Variants in RANBP1 observed in about 807,000 individuals in gnomAD.
RANBP1 encodes ran-specific GTPase-activating protein.
Under a neutral mutation model 31.4 loss-of-function variants are expected in RANBP1, and 16 were observed. That is an observed-to-expected ratio of 0.51 (90% CI 0.34 to 0.77). The LOEUF (loss-of-function observed/expected upper bound fraction) is 0.77. Among genes scored for constraint, RANBP1 ranks in the 30% least tolerant of loss-of-function variants. The pLI, the probability that RANBP1 is intolerant of heterozygous loss-of-function variation, is 0.01. For synonymous variants in RANBP1, 129 were observed against 140.5 expected, an observed-to-expected ratio of 0.92 and a Z score of 0.58; for missense variants, 265 against 362.0, an observed-to-expected ratio of 0.73 and a Z score of 2.17.
chr22:20,125,449 C>T lies in RANBP1; in HGVS notation c.670+13C>T, dbSNP rs1378213873. The T allele has an allele frequency of 4.3e-5, 69 of 1,594,564 alleles. No homozygotes were observed. Among genetic ancestry groups the T allele is most frequent in the Non-Finnish European group, 5.7e-5 (67 of 1,170,642 alleles). Reference sequence around the variant, plus strand: ...CTGAATGCTGAGAGTGAGCCAAGGGCCCTGGGGACCTGCCTGACTTGGGGC... The same window carrying T: ...CTGAATGCTGAGAGTGAGCCAAGGGTCCTGGGGACCTGCCTGACTTGGGGC... On this transcript the variant is annotated intron_variant, in intron 4 of 5. Coordinates refer to ENST00000430524, the MANE Select transcript of RANBP1 (RefSeq NM_001278639.2).
At chr22:20,120,003 C>T (rs898876555) in intron 2 of RANBP1, among the ~76,000 whole-genome samples, 3 of 152,120 alleles carry the variant, frequency 2.0e-5, no homozygotes, top group African/African-American at 4.8e-5. Context: ...TGTGGCCTGT[C>T]GCCTACACTC....
chr22:20,117,935 C>T, intron 1 of RANBP1: 2 of 1,010,908 alleles, frequency 2.0e-6, no homozygotes, highest in South Asian at 4.6e-5. Context: ...GCGGCCGTCG[C>T]CACGCGGGAC....
chr22:20,118,581 T>C (rs2871050), intron 1 of RANBP1, among the ~76,000 whole-genome samples: 11,629 of 152,340 alleles, frequency 0.076, 558 homozygotes, highest in African/African-American at 0.13. Context: ...TTTAAAGTAA[T>C]ATTTCAAAAT....
At chr22:20,116,754 C>T in intron 1 of RANBP1, 1 of 1,414,472 alleles carries the variant, frequency 7.1e-7, no homozygotes, top group South Asian at 1.3e-5. Flanking sequence ...CCTCCCGACC[C>T]CATTCCCGTC....
Position 20,116,189 on chromosome 22 carries a change from GGTC to G in RANBP1, c.7_9del (p.Ser3del). ...TCCTGTCGCCTCCTCCTGGCCATGG[GGTC>G]GGCCTTGGGCCGGGCCAGGCGCACA... On this transcript the variant is annotated inframe_deletion, in exon 1 of 6. Transcript: ENST00000430524. The G allele has an allele frequency of 6.2e-7, 1 of 1,613,046 alleles. No homozygotes were observed. The highest frequency in any genetic ancestry group is 1.6e-4 in the Middle Eastern group (1 of 6,062).
At chr22:20,126,576 A>T (rs754744323) in intron 5 of RANBP1, 15 of 1,546,822 alleles carry the variant, frequency 9.7e-6, no homozygotes, top group African/African-American at 1.4e-5. Context: ...CCTCAGTCCA[A>T]TTGGGCAGGC....
chr22:20,117,432 G>T, intron 1 of RANBP1: 1 of 1,193,118 alleles, frequency 8.4e-7, no homozygotes, highest in Non-Finnish European at 1.0e-6. Flanking sequence ...GAGAGTGTCC[G>T]CCTCCTGAGC....
chr22:20,119,187 G>A (rs1455305983), intron 2 of RANBP1, 38 bp downstream of exon 2: 3 of 1,595,076 alleles, frequency 1.9e-6, no homozygotes, highest in Admixed American at 3.4e-5. Context: ...GACTCTTTAA[G>A]GTTGAGGTTA....
rs1439572952 is a variant in RANBP1 at position 20,117,635 on chromosome 22, C to T, written c.246+1205C>T. On this transcript the variant is annotated intron_variant, in intron 1 of 5. Coordinates refer to ENST00000430524, the MANE Select transcript of RANBP1 (RefSeq NM_001278639.2). ...ACGACCGACCCAGCCGAGCCGCCGCCGCCGCCGCGCCCCCATGGCGGCCGC... is the reference window on the plus strand; with the variant it reads ...ACGACCGACCCAGCCGAGCCGCCGCTGCCGCCGCGCCCCCATGGCGGCCGC... 4.0e-6 allele frequency: 5 copies of T among 1,251,688 alleles called. 1 individual carries two copies. The South Asian group carries it at 1.0e-4, about 25-fold the overall frequency. The allele number at this position is 1,251,688 out of a possible 1,614,324, so 77.5% of individuals were successfully genotyped here. A position where few individuals can be genotyped will look rare whatever the true frequency, so the allele number is the denominator to read the frequency against.
At chr22:20,120,887 G>A (rs2050156378) in intron 2 of RANBP1, among the ~76,000 whole-genome samples, 1 of 152,222 alleles carries the variant, frequency 6.6e-6, no homozygotes. Context: ...TCCTGGTGGT[G>A]TCGTGACAGA....
chr22:20,126,570 A>G (rs1258006715), intron 5 of RANBP1: 2 of 1,551,658 alleles, frequency 1.3e-6, no homozygotes, highest in Non-Finnish European at 1.7e-6. Flanking sequence ...TGCTGGCCTC[A>G]GTCCAATTGG....
intron 1 of RANBP1, among the ~76,000 whole-genome samples, chr22:20,118,508 G>A (rs532238453): frequency 3.2e-4 from 48 of 152,260 alleles, no homozygotes; most frequent in Non-Finnish European, 6.0e-4. Flanking sequence ...GACTTTTTTC[G>A]TTTTACTAAG....
intron 1 of RANBP1, chr22:20,117,176 C>T (rs532198657): frequency 5.4e-6 from 3 of 560,592 alleles, no homozygotes; most frequent in South Asian, 2.8e-5. Context: ...GCTCGCTTCG[C>T]CAGCCACTCT....
Position 20,116,312 on chromosome 22 carries a change from G to T in RANBP1, c.128G>T (p.Gly43Val). 6.2e-7 allele frequency: 1 copy of T among 1,612,976 alleles called. No homozygotes were observed. ...CGGAATGTCACAAAGGCGCAGGGTG[G>T]TTGCCCAAAGAGTTTGGTTTTGTGG... ...ALRNVTKAQG[G>V]CPKSLVLWGC... Residue 43 changes from glycine (G) to valine (V), a missense_variant, in exon 1 of 6, where the codon GGT (glycine) becomes GTT (valine). Physicochemically the swap from Gly to Val is moderately radical, Grantham distance 109. Around this residue, in one of 3 missense-constraint regions of RANBP1, gnomAD observed 126 missense variants for 123.6 expected, o/e 1.02. Coordinates refer to ENST00000430524, the MANE Select transcript of RANBP1 (RefSeq NM_001278639.2).
intron 3 of RANBP1, chr22:20,122,716 G>A: frequency 1.6e-6 from 2 of 1,247,520 alleles, no homozygotes; most frequent in South Asian, 2.6e-5. Flanking sequence ...TGCAGGGCGA[G>A]GGGGTGCTGT....
At chr22:20,117,592 G>C in intron 1 of RANBP1, 1 of 1,402,568 alleles carries the variant, frequency 7.1e-7, no homozygotes, top group Non-Finnish European at 9.3e-7. Context: ...TAGCCGCCGA[G>C]AGGCCGCGGA....
chr22:20,127,214 A>C lies in RANBP1; in HGVS notation c.*162A>C. 1 of 524,644 alleles carries C rather than the reference A, an allele frequency of 1.9e-6. No individual in the cohort carries two copies. The highest frequency in any genetic ancestry group is 3.2e-6 in the Non-Finnish European group (1 of 312,242). The allele number at this position is 524,644 out of a possible 1,614,324, so 32.5% of individuals were successfully genotyped here. On this transcript the variant is annotated 3_prime_UTR_variant, in exon 6 of 6. Coordinates refer to ENST00000430524, the MANE Select transcript of RANBP1 (RefSeq NM_001278639.2). ...AGGTTGTTTTTTTTTTTTGTTTCTAAGTTTTTGCCCTATTGAAGATGACTT... is the reference window on the plus strand; with the variant it reads ...AGGTTGTTTTTTTTTTTTGTTTCTACGTTTTTGCCCTATTGAAGATGACTT...
chr22:20,126,172 G>A, intron 4 of RANBP1, 131 bp from the exon 5 acceptor site: 1 of 1,088,704 alleles, frequency 9.2e-7, no homozygotes, highest in Non-Finnish European at 1.3e-6. Context: ...ATGTCAGGTG[G>A]ACCAGTCCTT....
chr22:20,126,594 T>C (rs1237617352), intron 5 of RANBP1: 2 of 1,536,418 alleles, frequency 1.3e-6, no homozygotes, highest in Non-Finnish European at 1.8e-6. Context: ...GGCATTGGAG[T>C]CCGGGCACTG....
Sources: gnomAD v4.1 joint callset for allele counts (sites outside exome capture counted in the v4.1 genomes callset) on GRCh38, gnomAD v4.1.1 for gene constraint, gnomAD v4.1.1 regional missense constraint, MANE v1.5 for transcripts, NCBI Gene and HGNC (gene_info 2026-07-23, HGNC 2026-07-21) for gene names.